PRELID2: variants seen among roughly 807,000 people sequenced by gnomAD.
The protein encoded by PRELID2 is PRELI domain-containing protein 2.
A neutral mutation model predicts 28.4 loss-of-function variants in PRELID2; 25 were observed. The observed-to-expected ratio is 0.88, with a 90% CI of 0.64 to 1.23. The LOEUF is 1.23. PRELID2 is among the 50% of genes most tolerant of loss of function. PRELID2 has a pLI of 0.00. For missense variants in PRELID2, 201 were observed against 214.4 expected, an observed-to-expected ratio of 0.94 and a Z score of 0.39; for synonymous variants, 76 against 71.6, an observed-to-expected ratio of 1.06 and a Z score of -0.31.
chr5:145,229,053 G>T, the PRELID2 span: 3 of 1,594,924 alleles, frequency 1.9e-6, no homozygotes, highest in Non-Finnish European at 2.6e-6. Context: ...CCAGTCCAGC[G>T]CACTGTATGA....
intron 1 of PRELID2, among the ~76,000 whole-genome samples, chr5:145,499,909 C>T (rs1467588239): frequency 6.6e-6 from 1 of 152,230 alleles, no homozygotes; most frequent in African/African-American, 2.4e-5. Context: ...ATTCCAGAAG[C>T]TGAGCTTTGC....
intron 1 of PRELID2, among the ~76,000 whole-genome samples, chr5:145,742,153 T>A (rs367971422): frequency 1.4e-3 from 8 of 5,724 alleles, no homozygotes; most frequent in Admixed American, 5.3e-3. Flanking sequence ...TTTATTTATT[T>A]ATTATAAATT....
At chr5:145,611,615 G>C (rs1753617666) in intron 1 of PRELID2, among the ~76,000 whole-genome samples, 1 of 152,104 alleles carries the variant, frequency 6.6e-6, no homozygotes, top group African/African-American at 2.4e-5. Flanking sequence ...CAGAAACATT[G>C]TATTATTGGA....
chr5:145,456,945 A>G, the PRELID2 span, among the ~76,000 whole-genome samples: 1 of 152,244 alleles, frequency 6.6e-6, no homozygotes, highest in African/African-American at 2.4e-5. Context: ...ATAAAGGGCA[A>G]GAAAACAAAG....
chr5:145,772,352 T>C (rs1758160404), intron 5 of PRELID2, among the ~76,000 whole-genome samples: 2 of 152,170 alleles, frequency 1.3e-5, no homozygotes, highest in Non-Finnish European at 2.9e-5. Context: ...TAAATGAGAA[T>C]GCAAAAGTGA....
At chr5:145,353,126 C>T in the PRELID2 span, among the ~76,000 whole-genome samples, 1 of 152,084 alleles carries the variant, frequency 6.6e-6, no homozygotes, top group Non-Finnish European at 1.5e-5. Flanking sequence ...CTCTGTGGTA[C>T]CAATTTACTG....
intron 1 of PRELID2, among the ~76,000 whole-genome samples, chr5:145,506,817 T>C (rs184348892): frequency 1.2e-3 from 188 of 152,342 alleles, no homozygotes; most frequent in African/African-American, 4.4e-3. Flanking sequence ...CCCACATTTA[T>C]TCGTGGCTGG....
At chr5:145,489,317 T>C (rs527933800) in intron 1 of PRELID2, among the ~76,000 whole-genome samples, 1 of 152,348 alleles carries the variant, frequency 6.6e-6, no homozygotes, top group South Asian at 2.1e-4. Flanking sequence ...AACAAATAAC[T>C]TCAGTGTTTC....
At chr5:145,832,306 C>T (rs1034775293) in intron 1 of PRELID2, among the ~76,000 whole-genome samples, 6 of 152,098 alleles carry the variant, frequency 3.9e-5, no homozygotes, top group African/African-American at 1.4e-4. Flanking sequence ...ATCTTAGCCT[C>T]CCGAGTAGCT....
chr5:145,258,009 ACTCT>A, the PRELID2 span, among the ~76,000 whole-genome samples: 1 of 151,866 alleles, frequency 6.6e-6, no homozygotes, highest in African/African-American at 2.4e-5. Context: ...ATCCCCCTTC[ACTCT>A]CTCTTTCTCT....
At chr5:145,257,900 G>C in the PRELID2 span, among the ~76,000 whole-genome samples, 1 of 152,116 alleles carries the variant, frequency 6.6e-6, no homozygotes, top group Non-Finnish European at 1.5e-5. Flanking sequence ...TTGGACCATG[G>C]TGGGGGATTT....
the PRELID2 span, among the ~76,000 whole-genome samples, chr5:145,373,497 T>C: frequency 3.1e-3 from 82 of 26,324 alleles, 13 homozygotes; most frequent in African/African-American, 0.014. Flanking sequence ...TATATGATAT[T>C]ATATATTACA....
At chr5:145,699,787 C>A (rs1755365729) in intron 1 of PRELID2, among the ~76,000 whole-genome samples, 1 of 152,208 alleles carries the variant, frequency 6.6e-6, no homozygotes, top group African/African-American at 2.4e-5. Context: ...AATAGCACAG[C>A]TGCCGCACAA....
downstream of PRELID2, among the ~76,000 whole-genome samples, chr5:145,751,886 G>T (rs1757133168): frequency 2.0e-5 from 3 of 152,178 alleles, no homozygotes; most frequent in South Asian, 6.2e-4. Context: ...GGAGGCTGAG[G>T]CAGGAAAATT....
intron 1 of PRELID2, among the ~76,000 whole-genome samples, chr5:145,654,573 G>A (rs1299086700): frequency 6.6e-6 from 1 of 152,222 alleles, no homozygotes; most frequent in African/African-American, 2.4e-5. Flanking sequence ...CTTCAGCCCT[G>A]GGATGCAAGA....
chr5:145,700,730 A>C (rs1755386841), intron 1 of PRELID2, among the ~76,000 whole-genome samples: 1 of 152,138 alleles, frequency 6.6e-6, no homozygotes, highest in Non-Finnish European at 1.5e-5. Context: ...CCCTGAGTGA[A>C]CACTACCAGA....
chr5:145,771,346 A>G (rs1758093131), intron 5 of PRELID2, among the ~76,000 whole-genome samples: 2 of 152,078 alleles, frequency 1.3e-5, no homozygotes, highest in South Asian at 4.1e-4. Context: ...AGGTTTGTAC[A>G]ATGACAAAAT....
At chr5:145,480,436 A>C (rs1752147504) in intron 1 of PRELID2, among the ~76,000 whole-genome samples, 1 of 152,120 alleles carries the variant, frequency 6.6e-6, no homozygotes, top group African/African-American at 2.4e-5. Context: ...ACCACGTGCA[A>C]AATTTTTTTA....
chr5:145,298,650 G>A, the PRELID2 span, among the ~76,000 whole-genome samples: 1 of 151,966 alleles, frequency 6.6e-6, no homozygotes, highest in Non-Finnish European at 1.5e-5. Context: ...CAGCAAGAAG[G>A]CTCTTGACAA....
Sources: gnomAD v4.1 joint callset for allele counts (sites outside exome capture counted in the v4.1 genomes callset) on GRCh38, gnomAD v4.1.1 for gene constraint, MANE v1.5 for transcripts, NCBI Gene and HGNC (gene_info 2026-07-23, HGNC 2026-07-21) for gene names.